The following CHLSN variants were observed in gnomAD, a reference collection of about 807,000 sequenced individuals.
The protein encoded by CHLSN is cholesin.
At chr7:1,106,744 C>T in the CHLSN span, among the ~76,000 whole-genome samples, 4 of 152,336 alleles carry the variant, frequency 2.6e-5, no homozygotes, top group Admixed American at 6.5e-5. Context: ...CCGGTGCTGC[C>T]GGAGGGAATC....
the CHLSN span, among the ~76,000 whole-genome samples, chr7:992,389 G>T: frequency 6.6e-6 from 1 of 152,142 alleles, no homozygotes; most frequent in Admixed American, 6.5e-5. Flanking sequence ...GGAGGGTGAG[G>T]CCCCCCCACA....
At chr7:1,115,557 G>A in the CHLSN span, among the ~76,000 whole-genome samples, 2 of 133,628 alleles carry the variant, frequency 1.5e-5, no homozygotes, top group African/African-American at 5.6e-5. Context: ...ACAGCTCTAC[G>A]GACAGGCTTC....
chr7:988,209 C>G, the CHLSN span: 1 of 1,495,220 alleles, frequency 6.7e-7, no homozygotes, highest in South Asian at 1.3e-5. Flanking sequence ...TGGAATGAAA[C>G]TTCCCAACCC....
chr7:981,460 C>G, the CHLSN span, among the ~76,000 whole-genome samples: 5,181 of 152,098 alleles, frequency 0.034, 125 homozygotes, highest in African/African-American at 0.058. Context: ...TTACAAAATT[C>G]CCAGCACTTT....
chr7:1,021,379 G>A, the CHLSN span: 1 of 985,278 alleles, frequency 1.0e-6, no homozygotes, highest in Non-Finnish European at 1.2e-6. Context: ...AGATGATATT[G>A]CGGATTTCAG....
At chr7:1,125,386 T>A in the CHLSN span, among the ~76,000 whole-genome samples, 1 of 152,184 alleles carries the variant, frequency 6.6e-6, no homozygotes, top group African/African-American at 2.4e-5. Flanking sequence ...CATCTCACAA[T>A]GGCACACTGC....
At chr7:1,136,101 TATAAATATATATAC>T in the CHLSN span, among the ~76,000 whole-genome samples, 8 of 77,532 alleles carry the variant, frequency 1.0e-4, no homozygotes, top group Non-Finnish European at 1.9e-4. Context: ...TAAATGTGTA[TATAAATATATATAC>T]ATAAATATAT....
At chr7:1,003,645 C>T in the CHLSN span, among the ~76,000 whole-genome samples, 2 of 30,292 alleles carry the variant, frequency 6.6e-5, no homozygotes, top group Admixed American at 8.2e-4. Context: ...TGGAGTCCTG[C>T]GGGTGGGGAG....
At chr7:1,092,229 G>A in the CHLSN span, 1 of 1,612,794 alleles carries the variant, frequency 6.2e-7, no homozygotes. Context: ...GCTGCAGCCT[G>A]TTCCGCACCA....
chr7:1,090,552 G>A, the CHLSN span, among the ~76,000 whole-genome samples: 2 of 151,232 alleles, frequency 1.3e-5, no homozygotes, highest in African/African-American at 2.4e-5. Context: ...ACCCACTGGC[G>A]GCAGAGCCGG....
At chr7:1,037,005 G>C in the CHLSN span, among the ~76,000 whole-genome samples, 5 of 147,354 alleles carry the variant, frequency 3.4e-5, 1 homozygote, top group East Asian at 5.8e-4. Flanking sequence ...AAGCTATTCT[G>C]GAGGCTGAGG....
At chr7:1,060,822 T>C in the CHLSN span, among the ~76,000 whole-genome samples, 1 of 152,340 alleles carries the variant, frequency 6.6e-6, no homozygotes, top group Middle Eastern at 3.4e-3. Context: ...GCCGCGTCTC[T>C]GATGGTCCTG....
At chr7:1,043,698 C>T in the CHLSN span, 9 of 152,380 alleles carry the variant, frequency 5.9e-5, no homozygotes, top group African/African-American at 1.7e-4. Context: ...CTGATCCCGA[C>T]GTCCCACTCC....
the CHLSN span, chr7:987,479 T>C: frequency 5.8e-5 from 90 of 1,557,542 alleles, no homozygotes; most frequent in Non-Finnish European, 7.8e-5. Context: ...CTGCCGCACG[T>C]GCCCCGCTGC....
At chr7:990,688 C>T in the CHLSN span, among the ~76,000 whole-genome samples, 386 of 152,226 alleles carry the variant, frequency 2.5e-3, 2 homozygotes, top group African/African-American at 9.0e-3. Flanking sequence ...CGGCTGCGTC[C>T]GCTCACCTAT....
the CHLSN span, among the ~76,000 whole-genome samples, chr7:1,070,651 A>G: frequency 1.3e-5 from 2 of 148,636 alleles, no homozygotes; most frequent in African/African-American, 2.5e-5. Flanking sequence ...ACACACATGC[A>G]CACACATGCA....
chr7:1,039,586 C>A, the CHLSN span, among the ~76,000 whole-genome samples: 1 of 56,246 alleles, frequency 1.8e-5, no homozygotes, highest in Non-Finnish European at 3.1e-5. Flanking sequence ...CCGCCCCGTC[C>A]GGGAGGTGAG....
chr7:982,555 C>T, the CHLSN span, among the ~76,000 whole-genome samples: 2 of 152,266 alleles, frequency 1.3e-5, no homozygotes, highest in South Asian at 2.1e-4. Context: ...AGGGTTGCAT[C>T]CCCTGCCCGG....
At chr7:1,109,256 G>A in the CHLSN span, 1 of 152,198 alleles carries the variant, frequency 6.6e-6, no homozygotes, top group Non-Finnish European at 1.5e-5. Flanking sequence ...CATATTGACA[G>A]AAGTTCCATA....
Sources: allele counts gnomAD v4.1 joint callset (sites outside exome capture counted in the v4.1 genomes callset), GRCh38; gene constraint gnomAD v4.1.1; transcripts MANE v1.5; gene names NCBI Gene and HGNC (gene_info 2026-07-23, HGNC 2026-07-21).